GRM7: variants seen among roughly 807,000 people sequenced by gnomAD.
GRM7 encodes the protein glutamate metabotropic receptor 7.
Under a neutral mutation model 84.5 loss-of-function variants are expected in GRM7, and 35 were observed. The observed-to-expected ratio is 0.41, with a 90% CI of 0.32 to 0.55. GRM7 has a LOEUF of 0.55. GRM7 is among the 20% of genes least tolerant of loss of function. The pLI is 0.19. For synonymous variants in GRM7, 487 were observed against 455.1 expected, an observed-to-expected ratio of 1.07 and a Z score of -0.89; for missense variants, 1,003 against 1,194.6, an observed-to-expected ratio of 0.84 and a Z score of 2.36.
At chr3:7,164,206 A>C (rs1694725432) in intron 2 of GRM7, among the ~76,000 whole-genome samples, 1 of 152,118 alleles carries the variant, frequency 6.6e-6, no homozygotes, top group Non-Finnish European at 1.5e-5. Context: ...TAAAAATACA[A>C]AAATTAGCCA....
chr3:7,181,178 C>A (rs985407054), intron 2 of GRM7, among the ~76,000 whole-genome samples: 1 of 152,142 alleles, frequency 6.6e-6, no homozygotes, highest in Admixed American at 6.6e-5. Flanking sequence ...GCTCTTAAAC[C>A]ATTACCCTTC....
intron 4 of GRM7, among the ~76,000 whole-genome samples, chr3:7,334,810 TTAGA>T (rs950895603): frequency 2.0e-5 from 3 of 151,806 alleles, no homozygotes; most frequent in African/African-American, 7.3e-5. Context: ...GCAACAACAG[TTAGA>T]TAAAGAGGAA....
intron 7 of GRM7, among the ~76,000 whole-genome samples, chr3:7,505,413 G>A (rs1700010685): frequency 1.3e-5 from 2 of 152,238 alleles, no homozygotes; most frequent in African/African-American, 2.4e-5. Context: ...GGAGCTCTTA[G>A]CAGCAGCTTT....
At chr3:7,122,449 G>A (rs1328709911) in intron 1 of GRM7, among the ~76,000 whole-genome samples, 1 of 152,052 alleles carries the variant, frequency 6.6e-6, no homozygotes, top group Non-Finnish European at 1.5e-5. Context: ...CCCTAATTCT[G>A]AAAGATAAAA....
chr3:7,187,545 T>C (rs748453465), intron 2 of GRM7, among the ~76,000 whole-genome samples: 20 of 152,212 alleles, frequency 1.3e-4, no homozygotes, highest in African/African-American at 3.4e-4. Flanking sequence ...AACATCTTTA[T>C]TGAAGCAACA....
chr3:6,958,436 C>T (rs555565364), intron 1 of GRM7, among the ~76,000 whole-genome samples: 31 of 152,254 alleles, frequency 2.0e-4, no homozygotes, highest in African/African-American at 6.5e-4. Flanking sequence ...TGCTGATGGA[C>T]ATTTGAGAAA....
At chr3:7,523,876 A>G (rs1165266057) in intron 7 of GRM7, among the ~76,000 whole-genome samples, 1 of 152,130 alleles carries the variant, frequency 6.6e-6, no homozygotes, top group African/African-American at 2.4e-5. Context: ...AGAGGACTTT[A>G]TAAAATTTCA....
intron 7 of GRM7, among the ~76,000 whole-genome samples, chr3:7,503,977 C>T (rs1699963857): frequency 6.6e-6 from 1 of 152,056 alleles, no homozygotes; most frequent in Non-Finnish European, 1.5e-5. Flanking sequence ...AACAGATGCA[C>T]TTTTATAGAA....
chr3:7,485,157 A>T (rs1256946728), intron 7 of GRM7, among the ~76,000 whole-genome samples: 1 of 152,222 alleles, frequency 6.6e-6, no homozygotes, highest in African/African-American at 2.4e-5. Context: ...GAGACTGTGA[A>T]CCAGAGAACC....
At chr3:6,975,609 A>G (rs897407099) in intron 1 of GRM7, among the ~76,000 whole-genome samples, 2 of 152,168 alleles carry the variant, frequency 1.3e-5, no homozygotes, top group African/African-American at 4.8e-5. Context: ...CTTGAAGTTT[A>G]AAAAACAATG....
chr3:7,334,276 G>A (rs59779167), intron 4 of GRM7, among the ~76,000 whole-genome samples: 5,956 of 152,094 alleles, frequency 0.039, 248 homozygotes, highest in African/African-American at 0.11. Context: ...CCTCCAAGCA[G>A]GAAGGGATTG....
chr3:7,338,835 A>G (rs1701525683), intron 4 of GRM7, among the ~76,000 whole-genome samples: 1 of 152,096 alleles, frequency 6.6e-6, no homozygotes, highest in Admixed American at 6.6e-5. Flanking sequence ...CTTTGGTTTC[A>G]TGATAATAGA....
At chr3:7,423,958 T>C (rs1233561347) in intron 5 of GRM7, among the ~76,000 whole-genome samples, 1 of 152,164 alleles carries the variant, frequency 6.6e-6, no homozygotes, top group African/African-American at 2.4e-5. Context: ...ACAGCCTCAC[T>C]GCTGTAGAAA....
chr3:7,265,750 G>C (rs1221527089), intron 2 of GRM7, among the ~76,000 whole-genome samples: 3 of 152,150 alleles, frequency 2.0e-5, no homozygotes, highest in Admixed American at 6.6e-5. Context: ...GCTGCACTTT[G>C]CTCTGCTATT....
intron 2 of GRM7, among the ~76,000 whole-genome samples, chr3:7,168,891 C>G (rs913592183): frequency 6.6e-5 from 10 of 152,128 alleles, no homozygotes; most frequent in Non-Finnish European, 1.2e-4. Context: ...TTAATCACCT[C>G]TACATTACTC....
chr3:7,540,475 T>C (rs1692811004), intron 7 of GRM7, among the ~76,000 whole-genome samples: 1 of 152,196 alleles, frequency 6.6e-6, no homozygotes, highest in Non-Finnish European at 1.5e-5. Context: ...AGTAGCTAGA[T>C]ACCCAAAAAA....
chr3:7,409,802 A>G (rs368310871), intron 4 of GRM7, among the ~76,000 whole-genome samples: 42 of 152,088 alleles, frequency 2.8e-4, no homozygotes, highest in African/African-American at 9.6e-4. Flanking sequence ...GGGTTTCACC[A>G]TGTTGGCCAG....
intron 2 of GRM7, among the ~76,000 whole-genome samples, chr3:7,256,399 G>A (rs1698200101): frequency 6.6e-6 from 1 of 152,066 alleles, no homozygotes; most frequent in African/African-American, 2.4e-5. Context: ...TTTGTAGTTT[G>A]TTTGAAGGAA....
chr3:7,676,778 T>C (rs1322761699), intron 8 of GRM7, among the ~76,000 whole-genome samples: 1 of 152,176 alleles, frequency 6.6e-6, no homozygotes, highest in African/African-American at 2.4e-5. Context: ...CCCACAGTAT[T>C]CAGTATTGTA....
Sources: gnomAD v4.1 joint callset for allele counts (sites outside exome capture counted in the v4.1 genomes callset) on GRCh38, gnomAD v4.1.1 for gene constraint, MANE v1.5 for transcripts, NCBI Gene and HGNC (gene_info 2026-07-23, HGNC 2026-07-21) for gene names.